KCNG3: variants seen among roughly 807,000 people sequenced by gnomAD.
KCNG3 encodes the protein potassium voltage-gated channel modifier subfamily G member 3, also known as voltage-gated potassium channel regulatory subunit KCNG3.
KCNG3 carries 15 observed loss-of-function variants against 29.0 expected under a neutral mutation model. That is an observed-to-expected ratio of 0.52 (90% confidence interval 0.35 to 0.80). The LOEUF is 0.80. KCNG3 is among the 30% of genes least tolerant of loss of function. KCNG3 has a pLI of 0.01. For synonymous variants in KCNG3, 322 were observed against 248.9 expected (o/e 1.29, Z -2.76); for missense variants, 512 against 605.7 (o/e 0.85, Z 1.62).
chr2:42,417,352 A>G, the KCNG3 span, among the ~76,000 whole-genome samples: 2 of 152,298 alleles, frequency 1.3e-5, no homozygotes, highest in Admixed American at 1.3e-4. Flanking sequence ...ACAGGGTCTC[A>G]TTCTGTCACC....
At chr2:42,460,008 G>T (rs1248441053) in intron 1 of KCNG3, among the ~76,000 whole-genome samples, 1 of 151,092 alleles carries the variant, frequency 6.6e-6, no homozygotes, top group African/African-American at 2.4e-5. Context: ...TTATCATTGG[G>T]GAAACCAGAT....
chr2:42,456,206 T>G (rs1037456804), intron 1 of KCNG3, among the ~76,000 whole-genome samples: 2 of 152,142 alleles, frequency 1.3e-5, no homozygotes, highest in African/African-American at 2.4e-5. Flanking sequence ...AGGCATAGAC[T>G]GCAATCATTT....
intron 1 of KCNG3, among the ~76,000 whole-genome samples, chr2:42,489,018 G>A (rs1572868621): frequency 6.6e-6 from 1 of 151,942 alleles, no homozygotes; most frequent in African/African-American, 2.4e-5. Flanking sequence ...ATTTCAGCTG[G>A]GCACAGTGGC....
Position 42,443,839 on chromosome 2 carries a change from T to G in KCNG3, c.*95A>C. 8.6e-7 allele frequency: 1 copy of G among 1,165,320 alleles called. No homozygotes were observed. The highest frequency in any genetic ancestry group is 1.2e-6 in the Non-Finnish European group (1 of 817,496). The allele number at this position is 1,165,320 out of a possible 1,614,324, so 72.2% of individuals were successfully genotyped here. The stretch of plus-strand genomic sequence containing the variant: ...TTTTACCCTACCAAGATGATGACAA[T>G]GCCACTGCAGTGCTCACCCAGCAAG... On this transcript the variant is annotated 3_prime_UTR_variant, in exon 2 of 2. Coordinates refer to ENST00000306078, the MANE Select transcript of KCNG3 (RefSeq NM_133329.6).
At chr2:42,455,157 G>C (rs950212718) in intron 1 of KCNG3, among the ~76,000 whole-genome samples, 1 of 152,050 alleles carries the variant, frequency 6.6e-6, no homozygotes, top group Non-Finnish European at 1.5e-5. Context: ...TATCTTTTAT[G>C]TTCTTTATAT....
At chr2:42,393,868 C>A in the KCNG3 span, among the ~76,000 whole-genome samples, 1 of 151,984 alleles carries the variant, frequency 6.6e-6, no homozygotes, top group East Asian at 2.0e-4. Context: ...GCAACCTCCA[C>A]CTCCCAGGTT....
At chr2:42,417,047 G>T in the KCNG3 span, among the ~76,000 whole-genome samples, 5 of 152,046 alleles carry the variant, frequency 3.3e-5, no homozygotes, top group South Asian at 8.3e-4. Flanking sequence ...TCAAGAGTTG[G>T]AGACCAGCCT....
intron 1 of KCNG3, among the ~76,000 whole-genome samples, chr2:42,488,492 A>G (rs1047033421): frequency 4.6e-5 from 7 of 151,658 alleles, no homozygotes; most frequent in Non-Finnish European, 1.0e-4. Flanking sequence ...CTCCCACCTC[A>G]GCCTCTGGAG....
chr2:42,459,753 G>A (rs1313787016), intron 1 of KCNG3, among the ~76,000 whole-genome samples: 2 of 152,198 alleles, frequency 1.3e-5, no homozygotes, highest in East Asian at 1.9e-4. Context: ...AAGGCGGGTG[G>A]ATCATGAGGT....
rs985121158 is a variant in KCNG3 at position 42,442,797 on chromosome 2, T to C, written c.*1137A>G. 1 of 152,224 alleles carries C rather than the reference T, an allele frequency of 6.6e-6. No homozygotes were observed. Among genetic ancestry groups the C allele is most frequent in the Admixed American group, 6.5e-5 (1 of 15,272 alleles). The allele number at this position is 152,224 out of a possible 1,614,324, so 9.4% of individuals were successfully genotyped here. ...ATCTAGCCAGATTAACATGGCATAT[T>C]AGTCAGTATTCTTACAAGAAGAGTT... is the stretch of plus-strand genomic sequence containing the variant. On this transcript the variant is annotated 3_prime_UTR_variant, in exon 2 of 2. Coordinates refer to ENST00000306078, the MANE Select transcript of KCNG3 (RefSeq NM_133329.6).
At chr2:42,478,016 T>C (rs1673482906) in intron 1 of KCNG3, among the ~76,000 whole-genome samples, 2 of 152,066 alleles carry the variant, frequency 1.3e-5, no homozygotes, top group Admixed American at 6.6e-5. Flanking sequence ...GGAGTTGGAA[T>C]TGTGAAAGGA....
chr2:42,407,979 C>T, the KCNG3 span, among the ~76,000 whole-genome samples: 5 of 152,360 alleles, frequency 3.3e-5, no homozygotes, highest in African/African-American at 1.2e-4. Flanking sequence ...CACTGCCTGA[C>T]TTCTCCCTGC....
At chr2:42,390,703 T>C in the KCNG3 span, among the ~76,000 whole-genome samples, 1 of 148,278 alleles carries the variant, frequency 6.7e-6, no homozygotes, top group Non-Finnish European at 1.5e-5. Flanking sequence ...AAAGTCTTTG[T>C]TCTTTCCTTA....
the KCNG3 span, among the ~76,000 whole-genome samples, chr2:42,412,272 C>A: frequency 7.2e-5 from 11 of 152,184 alleles, no homozygotes; most frequent in Non-Finnish European, 1.5e-4. Flanking sequence ...ATACTAGCTG[C>A]CAGAAACTGT....
chr2:42,478,620 T>G (rs1000869391), intron 1 of KCNG3, among the ~76,000 whole-genome samples: 1 of 152,026 alleles, frequency 6.6e-6, no homozygotes, highest in African/African-American at 2.4e-5. Context: ...TTGGTGTCAC[T>G]CAAATGACAT....
the KCNG3 span, among the ~76,000 whole-genome samples, chr2:42,433,502 GCTGAGGGGGGCATATCA>G: frequency 6.6e-6 from 1 of 152,190 alleles, no homozygotes; most frequent in Non-Finnish European, 1.5e-5. Flanking sequence ...ATTTTGGGAG[GCTGAGGGGGGCATATCA>G]CTTGAGGTCA....
chr2:42,414,699 A>G, the KCNG3 span, among the ~76,000 whole-genome samples: 1 of 151,412 alleles, frequency 6.6e-6, no homozygotes, highest in African/African-American at 2.4e-5. Flanking sequence ...CTTCTAGGAA[A>G]CCCTCATTTG....
At chr2:42,432,362 G>T in the KCNG3 span, among the ~76,000 whole-genome samples, 1 of 152,218 alleles carries the variant, frequency 6.6e-6, no homozygotes, top group Admixed American at 6.5e-5. Flanking sequence ...TGTGCTCACT[G>T]TAAGTACTAT....
intron 1 of KCNG3, among the ~76,000 whole-genome samples, chr2:42,447,003 G>C (rs1672613335): frequency 6.6e-6 from 1 of 151,242 alleles, no homozygotes; most frequent in African/African-American, 2.4e-5. Context: ...AGGATTGCTT[G>C]AGCCCAGGAG....
Sources: gnomAD v4.1 joint callset for allele counts (sites outside exome capture counted in the v4.1 genomes callset) on GRCh38, gnomAD v4.1.1 for gene constraint, MANE v1.5 for transcripts, NCBI Gene and HGNC (gene_info 2026-07-23, HGNC 2026-07-21) for gene names.